The following ANK1 variants were observed in gnomAD, a reference collection of about 807,000 sequenced individuals.
ANK1 encodes ankyrin 1, also known as ankyrin-1.
ANK1 carries 51 observed loss-of-function variants against 210.4 expected under a neutral mutation model. The ratio of observed to expected loss-of-function variants is 0.24; its 90% confidence interval spans 0.19 to 0.31. The LOEUF is 0.31. ANK1 is among the 10% of genes least tolerant of loss of function. The probability of loss-of-function intolerance (pLI) is 1.00; values close to 1 mark genes in which losing one functional copy is unlikely to be tolerated. For missense variants in ANK1, 2,051 were observed against 2,504.4 expected (o/e 0.82, Z 3.86); for synonymous variants, 967 against 1,025.9 (o/e 0.94, Z 1.10).
chr8:41,715,890 G>A, intron 13 of ANK1, 41 bp from the exon 14 acceptor site: 2 of 1,612,370 alleles, frequency 1.2e-6, no homozygotes, highest in Non-Finnish European at 1.7e-6. Flanking sequence ...AAACGCTAAT[G>A]TTACCAAATC....
At chr8:41,692,535 T>TG in intron 31 of ANK1, 113 bp downstream of exon 31, 1 of 1,061,820 alleles carries the variant, frequency 9.4e-7, no homozygotes, top group Non-Finnish European at 1.4e-6. Context: ...CAGACAGCTG[T>TG]GGAGCCCCTC....
chr8:41,788,381 A>C (rs569740384), intron 1 of ANK1, among the ~76,000 whole-genome samples: 1 of 152,296 alleles, frequency 6.6e-6, no homozygotes, highest in Admixed American at 6.5e-5. Context: ...CGTGAACACC[A>C]GACACCTGTG....
At chr8:41,765,453 C>T (rs543472489) in intron 1 of ANK1, among the ~76,000 whole-genome samples, 1 of 152,138 alleles carries the variant, frequency 6.6e-6, no homozygotes, top group South Asian at 2.1e-4. Context: ...CCCTATGTTG[C>T]CCAGGCTGGT....
rs561498284 is a variant in ANK1 at position 41,771,951 on chromosome 8, C to T, written c.28-13814G>A. 1.4e-4 allele frequency among the ~76,000 whole-genome samples: 21 copies of T among 152,250 alleles called. No individual in the cohort carries two copies. In the East Asian group the frequency reaches 3.1e-3, roughly 22 times the overall value. ...CAAGCCTGCAGCAAAGAATCCCATG[C>T]GAGTGGGATTCTCAGGCGACTCTGC... On this transcript the variant is annotated intron_variant, in intron 1 of 42. Transcript: ENST00000289734.
intron 1 of ANK1, among the ~76,000 whole-genome samples, chr8:41,849,187 G>A (rs528851102): frequency 5.3e-5 from 8 of 152,330 alleles, no homozygotes; most frequent in East Asian, 1.9e-4. Flanking sequence ...AAGGCCTAAC[G>A]GAAACCTTCT....
At chr8:41,815,548 C>T (rs1461171618) in intron 1 of ANK1, among the ~76,000 whole-genome samples, 1 of 152,110 alleles carries the variant, frequency 6.6e-6, no homozygotes, top group Non-Finnish European at 1.5e-5. Flanking sequence ...CATTTTGAAA[C>T]AACCTTTTGA....
chr8:41,677,596 T>G (rs1488050254), intron 37 of ANK1, among the ~76,000 whole-genome samples: 1 of 150,090 alleles, frequency 6.7e-6, no homozygotes, highest in Admixed American at 6.7e-5. Flanking sequence ...TTTTCTTTGT[T>G]TTTTTTTTTT....
Position 41,686,203 on chromosome 8 carries a change from T to G in ANK1, c.4339A>C (p.Ser1447Arg). 1 of 1,614,210 alleles carries G rather than the reference T, an allele frequency of 6.2e-7. No homozygotes were observed. Among genetic ancestry groups the G allele is most frequent in the African/African-American group, 1.3e-5 (1 of 75,044 alleles). The change falls in exon 36 of 43, where the codon AGT (serine) becomes CGT (arginine). Residue 1447 changes from serine to arginine, a missense_variant. Around this residue, in one of 6 missense-constraint regions of ANK1, gnomAD observed 39 missense variants for 75.1 expected, o/e 0.52. Coordinates refer to ENST00000289734, the MANE Select transcript of ANK1 (RefSeq NM_000037.4). Reference protein sequence around the residue: ...VENPNSLLEQSVALLNLWVIR... With the variant: ...VENPNSLLEQRVALLNLWVIR... ...ACCCAGAGGTTCAGCAAGGCCACACTCTGCTCCAACAGGGAGTTGGGATTT... is the reference window on the plus strand; with the variant it reads ...ACCCAGAGGTTCAGCAAGGCCACACGCTGCTCCAACAGGGAGTTGGGATTT...
intron 2 of ANK1, among the ~76,000 whole-genome samples, chr8:41,752,943 C>A (rs1321810448): frequency 6.6e-6 from 1 of 152,122 alleles, no homozygotes. Flanking sequence ...AGACTGGAAT[C>A]CTTCATGTGG....
chr8:41,804,100 C>T (rs1850576573), intron 1 of ANK1, among the ~76,000 whole-genome samples: 1 of 152,206 alleles, frequency 6.6e-6, no homozygotes, highest in Non-Finnish European at 1.5e-5. Flanking sequence ...GTGGTACTGG[C>T]ACAGTGTCTC....
chr8:41,714,475 G>A (rs775754952), intron 15 of ANK1, among the ~76,000 whole-genome samples: 6 of 152,174 alleles, frequency 3.9e-5, no homozygotes, highest in African/African-American at 9.7e-5. Context: ...ACACTTGCCC[G>A]GAGAAGGCCA....
At chr8:41,875,302 A>G (rs1265969417) in intron 1 of ANK1, among the ~76,000 whole-genome samples, 2 of 152,258 alleles carry the variant, frequency 1.3e-5, no homozygotes, top group Admixed American at 6.5e-5. Flanking sequence ...GGCTGGCAGC[A>G]GCAGGCATGT....
intron 2 of ANK1, 122 bp downstream of exon 2, chr8:41,757,914 C>T (rs1284742957): frequency 2.1e-6 from 2 of 935,082 alleles, no homozygotes; most frequent in Non-Finnish European, 1.7e-6. Context: ...CAGGCAGGAG[C>T]CCTGGGGGAG....
At chr8:41,808,228 A>G (rs966569841) in intron 1 of ANK1, among the ~76,000 whole-genome samples, 1 of 152,192 alleles carries the variant, frequency 6.6e-6, no homozygotes, top group African/African-American at 2.4e-5. Context: ...ATTTCTGATC[A>G]CACCCAAGCT....
intron 1 of ANK1, among the ~76,000 whole-genome samples, chr8:41,827,329 T>A (rs917704677): frequency 6.6e-6 from 1 of 152,216 alleles, no homozygotes; most frequent in Admixed American, 6.5e-5. Flanking sequence ...CTGGTGTGAA[T>A]GAGATGTATG....
chr8:41,770,304 C>T (rs887262359), intron 1 of ANK1, among the ~76,000 whole-genome samples: 2 of 152,158 alleles, frequency 1.3e-5, no homozygotes, highest in East Asian at 3.9e-4. Context: ...TTTGGTGATA[C>T]ATCTGTTCAA....
At chr8:41,697,462 C>T (rs946861777) in intron 24 of ANK1, among the ~76,000 whole-genome samples, 12 of 152,140 alleles carry the variant, frequency 7.9e-5, no homozygotes, top group Admixed American at 5.9e-4. Flanking sequence ...CCACTCCCCA[C>T]ATCTCACCTC....
intron 1 of ANK1, among the ~76,000 whole-genome samples, chr8:41,787,818 G>A (rs1467122914): frequency 6.6e-6 from 1 of 151,932 alleles, no homozygotes; most frequent in Non-Finnish European, 1.5e-5. Flanking sequence ...TCAAAAGGAA[G>A]AAGAAAGAAG....
chr8:41,689,821 C>T (rs1020684584), intron 33 of ANK1, among the ~76,000 whole-genome samples: 8 of 152,178 alleles, frequency 5.3e-5, no homozygotes, highest in Admixed American at 2.0e-4. Context: ...TGAGAGAAGC[C>T]GTGCAGGGGC....
Sources: allele counts gnomAD v4.1 joint callset (sites outside exome capture counted in the v4.1 genomes callset), GRCh38; gene constraint gnomAD v4.1.1; regional missense constraint gnomAD v4.1.1; transcripts MANE v1.5; gene names NCBI Gene and HGNC (gene_info 2026-07-23, HGNC 2026-07-21).